TAFA3: variants seen among roughly 807,000 people sequenced by gnomAD.
TAFA3 encodes chemokine-like protein TAFA-3.
In TAFA3, 17 loss-of-function variants were observed where a neutral mutation model predicts 20.7. The ratio of observed to expected loss-of-function variants is 0.82; its 90% CI spans 0.56 to 1.23. The LOEUF (loss-of-function observed/expected upper bound fraction) is 1.23. Ranked by LOEUF, TAFA3 falls within the 50% of genes most tolerant of loss-of-function variation. The probability of loss-of-function intolerance (pLI) is 0.00; values close to 1 mark genes in which losing one functional copy is unlikely to be tolerated. For missense variants in TAFA3, 174 were observed against 172.8 expected, an observed-to-expected ratio of 1.01 and a Z score of -0.04; for synonymous variants, 74 against 71.8, an observed-to-expected ratio of 1.03 and a Z score of -0.16.
chr1:112,723,365 G>A (rs1675377858), intron 4 of TAFA3, among the ~76,000 whole-genome samples, 200 bp downstream of exon 4: 1 of 152,092 alleles, frequency 6.6e-6, no homozygotes, highest in African/African-American at 2.4e-5. Context: ...CTCTTGTTAT[G>A]CGCACAGCCT....
At chr1:112,723,633 A>G (rs1464898502) in intron 4 of TAFA3, among the ~76,000 whole-genome samples, 1 of 151,926 alleles carries the variant, frequency 6.6e-6, no homozygotes, top group African/African-American at 2.4e-5. Context: ...CGCGCATACC[A>G]GCTATGCCAG....
At chr1:112,724,816 C>CAAAAAAAAAAAAA in intron 5 of TAFA3, among the ~76,000 whole-genome samples, 5 of 22,662 alleles carry the variant, frequency 2.2e-4, no homozygotes, top group Admixed American at 8.8e-4. Flanking sequence ...ATTAGAGCAG[C>CAAAAAAAAAAAAA]AAAAAAAAAA....
chr1:112,722,271 G>T lies in TAFA3; in HGVS notation c.38G>T (p.Gly13Val), dbSNP rs1675347076. Reference protein sequence around the residue: ...ERVERNWSTGGWLLALCLAWL... With the variant: ...ERVERNWSTGVWLLALCLAWL... ...GTCGAGCGGAACTGGAGCACGGGCGGCTGGCTGCTGGCACTGTGCCTGGCC... is the reference window on the plus strand; with the variant it reads ...GTCGAGCGGAACTGGAGCACGGGCGTCTGGCTGCTGGCACTGTGCCTGGCC... The change falls in exon 3 of 6, where the codon GGC (glycine) becomes GTC (valine). Residue 13 changes from glycine to valine, a missense_variant. Physicochemically the swap from Gly to Val is moderately radical, Grantham distance 109. Coordinates refer to ENST00000361886, the MANE Select transcript of TAFA3 (RefSeq NM_182759.3). The T allele has an allele frequency of 3.7e-6, 6 of 1,614,064 alleles. No homozygotes were observed. Among genetic ancestry groups the T allele is most frequent in the Non-Finnish European group, 5.1e-6 (6 of 1,180,010 alleles).
intron 2 of TAFA3, among the ~76,000 whole-genome samples, chr1:112,721,838 T>G (rs1050758057): frequency 1.3e-5 from 2 of 152,260 alleles, no homozygotes; most frequent in Admixed American, 6.5e-5. Flanking sequence ...TTTTGAGCTT[T>G]GGTTTTCTCA....
Position 112,718,959 on chromosome 1 carries a change from C to G in TAFA3, c.-400C>G, listed in dbSNP as rs1675264753. Among the ~76,000 whole-genome samples the G allele has an allele frequency of 6.6e-6, 1 of 152,206 alleles. No individual in the cohort carries two copies. Among genetic ancestry groups the G allele is most frequent in the Non-Finnish European group, 1.5e-5 (1 of 68,030 alleles). On this transcript the variant is annotated 5_prime_UTR_variant, in exon 1 of 6. Transcript: ENST00000361886. Reference sequence around the variant, plus strand: ...GCGGGGCTGGAGGAGCGGGGGTAGCCCGGGGCGAGGCGGCGGTTGCGGCGG... The same window carrying G: ...GCGGGGCTGGAGGAGCGGGGGTAGCGCGGGGCGAGGCGGCGGTTGCGGCGG...
In TAFA3 at chr1:112,726,660, G is replaced by A. The variant is rs1333494738; in HGVS notation, c.*20G>A. On this transcript the variant is annotated 3_prime_UTR_variant, in exon 6 of 6. Transcript: ENST00000361886. ...CGATAGCTCTTGGGGGTCACGGCCT[G>A]GACAAGAAAGGCTTGACTGAGCCGT... The A allele has an allele frequency of 6.2e-7, 1 of 1,613,890 alleles. No homozygotes were observed. Among genetic ancestry groups the A allele is most frequent in the Non-Finnish European group, 8.5e-7 (1 of 1,179,850 alleles).
intron 2 of TAFA3, among the ~76,000 whole-genome samples, chr1:112,721,718 T>C (rs114654591): frequency 8.3e-4 from 126 of 152,346 alleles, no homozygotes; most frequent in African/African-American, 2.9e-3. Context: ...CATAAAGCAA[T>C]TCCCCATTGG....
chr1:112,722,395 C>G, intron 3 of TAFA3, 47 bp downstream of exon 3: 1 of 1,517,138 alleles, frequency 6.6e-7, no homozygotes, highest in Non-Finnish European at 9.1e-7. Flanking sequence ...CCCAGGACAC[C>G]TGGGGAGCTG....
Position 112,722,990 on chromosome 1 carries a change from G to A in TAFA3, c.116-26G>A, listed in dbSNP as rs554808794. ...GGGAGCGGGGTCGGGCGTGTTGGGC[G>A]TCTGATCCTGGGCGGCTCCCCTCAG... On this transcript the variant is annotated intron_variant, in intron 3 of 5. Transcript: ENST00000361886. The A allele has an allele frequency of 2.2e-5, 35 of 1,591,332 alleles. No individual in the cohort carries two copies. In the East Asian group the frequency reaches 5.4e-4, roughly 25 times the overall value.
At chr1:112,720,394 C>T (rs1675299992) in intron 1 of TAFA3, 183 bp from the exon 2 acceptor site, 1 of 152,322 alleles carries the variant, frequency 6.6e-6, no homozygotes, top group Non-Finnish European at 1.5e-5. Flanking sequence ...AAGAGCCCCT[C>T]CAGATTCCCA....
chr1:112,719,659 C>T (rs1185282688), intron 1 of TAFA3, among the ~76,000 whole-genome samples: 1 of 152,038 alleles, frequency 6.6e-6, no homozygotes, highest in Non-Finnish European at 1.5e-5. Flanking sequence ...GGAGAGATGC[C>T]TGAGTTGGAT....
rs2101498618 is a variant in TAFA3, at chr1:112,723,184, C to T, written c.265+19C>T. On this transcript the variant is annotated intron_variant, in intron 4 of 5. Transcript: ENST00000361886. ...GTGGACGGTGAGTGAGAGGCCAGGA[C>T]CCGGGCAGGGCCCTGAGCAGAGCCA... 3.7e-6 allele frequency: 6 copies of T among 1,610,080 alleles called. No homozygotes were observed. Among genetic ancestry groups the T allele is most frequent in the African/African-American group, 1.3e-5 (1 of 75,016 alleles).
At chr1:112,719,929 G>A (rs910569773) in intron 1 of TAFA3, among the ~76,000 whole-genome samples, 1 of 152,058 alleles carries the variant, frequency 6.6e-6, no homozygotes, top group Non-Finnish European at 1.5e-5. Context: ...CTGTCCTTCC[G>A]GGGCCCCACC....
chr1:112,722,035 C>T (rs1426853507), intron 2 of TAFA3, among the ~76,000 whole-genome samples, 198 bp from the exon 3 acceptor site: 2 of 152,190 alleles, frequency 1.3e-5, no homozygotes, highest in African/African-American at 4.8e-5. Context: ...ATGTTGTCTC[C>T]TCCAAAGGCT....
chr1:112,723,199 G>T lies in TAFA3; in HGVS notation c.265+34G>T, dbSNP rs769671384. On this transcript the variant is annotated intron_variant, in intron 4 of 5. Transcript: ENST00000361886. ...GAGGCCAGGACCCGGGCAGGGCCCT[G>T]AGCAGAGCCATAAGGAGGCCTGTTC... The T allele has an allele frequency of 1.9e-6, 3 of 1,605,048 alleles. No individual in the cohort carries two copies. The South Asian group carries it at 3.3e-5, about 18-fold the overall frequency.
At position 112,723,018 on chromosome 1, in the gene TAFA3, C is replaced by T. The variant is rs776637353; in HGVS notation, c.118C>T (p.Leu40Phe). The stretch of plus-strand genomic sequence containing the variant: ...TGATCCTGGGCGGCTCCCCTCAGTG[C>T]TTGTGCAGCAGGGCACCTGCGAGGT... The part of the protein sequence containing the change: ...AALQPPTATV[L>F]VQQGTCEVIA... Residue 40 changes from leucine to phenylalanine, a missense_variant and splice_region_variant, in exon 4 of 6, where the codon CTT (leucine) becomes TTT (phenylalanine). Transcript: ENST00000361886. The T allele has an allele frequency of 6.2e-7, 1 of 1,611,048 alleles. No individual in the cohort carries two copies.
At chr1:112,720,049 G>A (rs1675292275) in intron 1 of TAFA3, among the ~76,000 whole-genome samples, 2 of 152,162 alleles carry the variant, frequency 1.3e-5, no homozygotes, top group South Asian at 4.1e-4. Flanking sequence ...TCAGGGACCT[G>A]GAGTGTCCCC....
At chr1:112,723,483 C>T (rs1675382449) in intron 4 of TAFA3, among the ~76,000 whole-genome samples, 1 of 152,130 alleles carries the variant, frequency 6.6e-6, no homozygotes, top group Admixed American at 6.5e-5. Flanking sequence ...GCTGCTCCTT[C>T]CCCTGGCTGT....
chr1:112,726,610 C>T lies in TAFA3; in HGVS notation c.391-19C>T, dbSNP rs764149975. ...TAGGCATTCCCTTCTCTAACCTTAC[C>T]CTCTCGCTTCTTCACCAGGTCACAC... is the stretch of plus-strand genomic sequence containing the variant. On this transcript the variant is annotated intron_variant, in intron 5 of 5. Coordinates refer to ENST00000361886, the MANE Select transcript of TAFA3 (RefSeq NM_182759.3). The T allele has an allele frequency of 2.5e-6, 4 of 1,613,630 alleles. No homozygotes were observed. The Admixed American group carries it at 5.0e-5, about 20-fold the overall frequency.
Sources: allele counts gnomAD v4.1 joint callset (sites outside exome capture counted in the v4.1 genomes callset), GRCh38; gene constraint gnomAD v4.1.1; transcripts MANE v1.5; gene names NCBI Gene and HGNC (gene_info 2026-07-23, HGNC 2026-07-21).